SEH1L: variants seen among roughly 807,000 people sequenced by gnomAD.
SEH1L encodes nucleoporin SEH1.
A neutral mutation model predicts 49.5 loss-of-function variants in SEH1L; 18 were observed. That is an observed-to-expected ratio of 0.36 (90% CI 0.25 to 0.54). SEH1L has a LOEUF of 0.54. Ranked by LOEUF, SEH1L falls within the 20% of genes least tolerant of loss-of-function variation. The probability of loss-of-function intolerance (pLI) is 0.87; values close to 1 mark genes in which losing one functional copy is unlikely to be tolerated. For missense variants in SEH1L, 404 were observed against 528.8 expected (o/e 0.76, Z 2.31); for synonymous variants, 169 against 178.1 (o/e 0.95, Z 0.41).
chr18:12,955,689 A>T, intron 3 of SEH1L, 80 bp downstream of exon 3: 4 of 1,417,062 alleles, frequency 2.8e-6, no homozygotes, highest in Non-Finnish European at 3.9e-6. Flanking sequence ...ACCTCAGATA[A>T]TTGGTAAAAT....
At chr18:12,972,666 C>T (rs1390148744) in intron 5 of SEH1L, 1 of 152,246 alleles carries the variant, frequency 6.6e-6, no homozygotes, top group East Asian at 1.9e-4. Flanking sequence ...GGATCTTACA[C>T]CTTCTACCTT....
chr18:12,982,893 T>A, intron 7 of SEH1L: 1 of 398,874 alleles, frequency 2.5e-6, no homozygotes, highest in Non-Finnish European at 4.5e-6. Flanking sequence ...TTTTCAAAAC[T>A]AAAGTAATTA....
At chr18:12,980,233 G>A (rs1277479541) in intron 6 of SEH1L, among the ~76,000 whole-genome samples, 6 of 139,062 alleles carry the variant, frequency 4.3e-5, no homozygotes, top group Admixed American at 1.4e-4. Context: ...CCTCCCTCCC[G>A]GACGGGGCGG....
chr18:12,985,645 C>G, intron 8 of SEH1L: 3 of 990,980 alleles, frequency 3.0e-6, no homozygotes, highest in Non-Finnish European at 3.6e-6. Flanking sequence ...ATTTCTTTTG[C>G]TTTCTTAAAA....
chr18:12,951,910 GTATT>G lies in SEH1L; in HGVS notation c.162+11_162+14del, dbSNP rs2030557139. ...CATTGTACTGCTAGCTGGAAGGTTA[GTATT>G]TATTTTTACATTTATTAAAAATACA... is the stretch of plus-strand genomic sequence containing the variant. On this transcript the variant is annotated splice_donor_region_variant and intron_variant, in intron 2 of 8. Coordinates refer to ENST00000399892, the MANE Select transcript of SEH1L (RefSeq NM_001013437.2). The G allele has an allele frequency of 1.3e-6, 2 of 1,487,006 alleles. No homozygotes were observed. Among genetic ancestry groups the G allele is most frequent in the East Asian group, 2.3e-5 (1 of 42,922 alleles). 92.1% of individuals were successfully genotyped at this position (1,487,006 alleles called of 1,614,324 possible).
At chr18:12,975,733 G>A (rs1006920398) in intron 5 of SEH1L, 2 of 986,866 alleles carry the variant, frequency 2.0e-6, no homozygotes, top group African/African-American at 3.5e-5. Context: ...TACCTTTTAG[G>A]GAGATGACTT....
At chr18:12,977,776 A>T (rs571336766) in intron 5 of SEH1L, 3 of 152,324 alleles carry the variant, frequency 2.0e-5, no homozygotes, top group East Asian at 3.9e-4. Flanking sequence ...ATACTTAGGC[A>T]ATGTGTTACT....
chr18:12,983,780 CTT>C (rs200390009), intron 7 of SEH1L, among the ~76,000 whole-genome samples: 2,157 of 152,170 alleles, frequency 0.014, 58 homozygotes, highest in African/African-American at 0.049. Context: ...AGAGAATTGT[CTT>C]TGCTAGTATC....
intron 4 of SEH1L, among the ~76,000 whole-genome samples, chr18:12,965,205 G>A (rs1369630044): frequency 1.3e-5 from 2 of 151,578 alleles, no homozygotes; most frequent in Non-Finnish European, 2.9e-5. Context: ...GTAGAGACGG[G>A]GTTTCACCGT....
At chr18:12,986,803 GTT>G in intron 8 of SEH1L, 57 bp from the exon 9 acceptor site, 1 of 1,131,082 alleles carries the variant, frequency 8.8e-7, no homozygotes. Flanking sequence ...TTTTTCTTGT[GTT>G]TTTTTTTTCC....
At chr18:12,954,466 A>G (rs113297283) in intron 2 of SEH1L, among the ~76,000 whole-genome samples, 1 of 152,132 alleles carries the variant, frequency 6.6e-6, no homozygotes, top group African/African-American at 2.4e-5. Flanking sequence ...AGACTTTTGA[A>G]GCAAATAATT....
At chr18:12,962,472 T>TC (rs1365722285) in intron 3 of SEH1L, among the ~76,000 whole-genome samples, 1 of 129,186 alleles carries the variant, frequency 7.7e-6, no homozygotes, top group Non-Finnish European at 1.6e-5. Flanking sequence ...TTTTTTTTTT[T>TC]TTTTTTTTTT....
chr18:12,965,872 A>G (rs1225766343), intron 4 of SEH1L, among the ~76,000 whole-genome samples: 2 of 152,146 alleles, frequency 1.3e-5, no homozygotes, highest in Admixed American at 6.5e-5. Flanking sequence ...GGGGTTGTCT[A>G]GTGTATTCAT....
intron 3 of SEH1L, among the ~76,000 whole-genome samples, chr18:12,956,180 G>T (rs2030845727): frequency 6.6e-6 from 1 of 151,820 alleles, no homozygotes; most frequent in South Asian, 2.1e-4. Context: ...GAGTAGCTGG[G>T]ACTACAGGCG....
intron 6 of SEH1L, 150 bp downstream of exon 6, chr18:12,979,042 A>T (rs61610540): frequency 0.097 from 74,139 of 768,222 alleles, 5,391 homozygotes; most frequent in African/African-American, 0.27. Context: ...AATGTTTTTT[A>T]AAAATGGTCT....
In SEH1L at chr18:12,985,246, C is replaced by T. The variant is rs762118979; in HGVS notation, c.1070+1056C>T. 6.8e-6 allele frequency: 11 copies of T among 1,609,620 alleles called. No individual in the cohort carries two copies. In the African/African-American group the frequency reaches 1.2e-4, roughly 18 times the overall value. On this transcript the variant is annotated intron_variant, in intron 8 of 8. Transcript: ENST00000399892. ...GTATTATGTCCTTTAACAGAAAGCACAGCTGAGTACAAGCTAACTGGAGTA... is the reference window on the plus strand; with the variant it reads ...GTATTATGTCCTTTAACAGAAAGCATAGCTGAGTACAAGCTAACTGGAGTA...
chr18:12,948,471 C>T, intron 1 of SEH1L: 1 of 380,988 alleles, frequency 2.6e-6, no homozygotes, highest in Non-Finnish European at 4.7e-6. Flanking sequence ...CGCGCTCCCG[C>T]CCGCAGGGTA....
intron 1 of SEH1L, among the ~76,000 whole-genome samples, chr18:12,950,544 G>A (rs983678457): frequency 1.3e-5 from 2 of 151,968 alleles, no homozygotes; most frequent in African/African-American, 2.4e-5. Flanking sequence ...GTGTATATAC[G>A]TATATGTCTT....
chr18:12,985,352 C>G (rs537867214), intron 8 of SEH1L: 2 of 1,544,446 alleles, frequency 1.3e-6, no homozygotes, highest in East Asian at 4.8e-5. Context: ...GCCGTTTGAC[C>G]TCTCCCAAGA....
Sources: allele counts gnomAD v4.1 joint callset (sites outside exome capture counted in the v4.1 genomes callset), GRCh38; gene constraint gnomAD v4.1.1; transcripts MANE v1.5; gene names NCBI Gene and HGNC (gene_info 2026-07-23, HGNC 2026-07-21).